Variants in DNAH10 observed in about 807,000 individuals in gnomAD.
DNAH10 encodes the protein axonemal beta dynein heavy chain 10.
In DNAH10, 348 loss-of-function variants were observed where a neutral mutation model predicts 506.6. The ratio of observed to expected loss-of-function variants is 0.69; its 90% CI spans 0.63 to 0.75. The LOEUF (loss-of-function observed/expected upper bound fraction) is 0.75, where lower values mean the gene tolerates loss of function less well. DNAH10 is among the 30% of genes least tolerant of loss of function. The pLI, the probability that DNAH10 is intolerant of heterozygous loss-of-function variation, is 0.00. For synonymous variants in DNAH10, 2,059 were observed against 2,198.6 expected (o/e 0.94, Z 1.78); for missense variants, 5,179 against 5,787.1 (o/e 0.89, Z 3.41).
intron 52 of DNAH10, among the ~76,000 whole-genome samples, chr12:123,892,508 T>C (rs1356311642): frequency 6.6e-6 from 1 of 152,146 alleles, no homozygotes; most frequent in Non-Finnish European, 1.5e-5. Flanking sequence ...TGAGATTTGG[T>C]GCGGACGCAG....
chr12:123,925,142 T>C lies in DNAH10; in HGVS notation c.11859T>C (p.Cys3953=), dbSNP rs777829274. 3.1e-6 allele frequency: 5 copies of C among 1,613,936 alleles called. No individual in the cohort carries two copies. Among genetic ancestry groups the C allele is most frequent in the Non-Finnish European group, 4.2e-6 (5 of 1,179,912 alleles). ...TPFQKLLILR[C]FRVDRVYRAV... ...TCCAGAAGTTGCTTATTTTGCGCTG[T>C]TTCCGTGTGGATCGGGTCTATCGGG... The change falls in exon 68 of 79, where the codon TGT becomes TGC. Residue 3953 remains cysteine, a synonymous_variant. Transcript: ENST00000673944. The surrounding 1 kb of genome is among the most constrained non-coding windows in gnomAD (Gnocchi z 4.0).
chr12:123,822,319 T>C (rs1328105489), intron 24 of DNAH10, among the ~76,000 whole-genome samples: 1 of 152,222 alleles, frequency 6.6e-6, no homozygotes, highest in African/African-American at 2.4e-5. Flanking sequence ...CTTAGTTCTT[T>C]ATAGCTCAGT....
chr12:123,894,311 C>G (rs1382390422), intron 53 of DNAH10, among the ~76,000 whole-genome samples: 2 of 151,740 alleles, frequency 1.3e-5, no homozygotes, highest in African/African-American at 4.8e-5. Context: ...GACTGGAGTG[C>G]AGTGGTGTGA....
chr12:123,875,617 A>G, intron 47 of DNAH10, 126 bp downstream of exon 47: 5 of 1,169,324 alleles, frequency 4.3e-6, no homozygotes, highest in Non-Finnish European at 6.0e-6. Flanking sequence ...GGGCCTATGA[A>G]AATGTTTTAA....
intron 21 of DNAH10, among the ~76,000 whole-genome samples, chr12:123,815,266 C>G (rs1292237519): frequency 6.6e-6 from 1 of 151,926 alleles, no homozygotes; most frequent in Non-Finnish European, 1.5e-5. Flanking sequence ...CAGATTTATT[C>G]CTAGGTACTT....
intron 37 of DNAH10, 21 bp downstream of exon 37, chr12:123,857,268 T>C (rs1269296023): frequency 6.6e-7 from 1 of 1,521,374 alleles, no homozygotes. Flanking sequence ...GAAAATGACC[T>C]CACTGTGGCC....
At chr12:123,837,284 C>T (rs1961259832) in intron 28 of DNAH10, among the ~76,000 whole-genome samples, 1 of 149,536 alleles carries the variant, frequency 6.7e-6, no homozygotes, top group African/African-American at 2.5e-5. Context: ...GTGAAGGTTG[C>T]AGTGAACTGA....
intron 13 of DNAH10, among the ~76,000 whole-genome samples, chr12:123,797,210 C>T (rs781078588): frequency 6.6e-5 from 10 of 152,070 alleles, no homozygotes; most frequent in Non-Finnish European, 1.0e-4. Context: ...CTGCCCTCCC[C>T]GATCCCATCC....
intron 32 of DNAH10, among the ~76,000 whole-genome samples, chr12:123,847,218 T>TTTATCTATCTATC (rs370500982): frequency 7.0e-6 from 1 of 142,724 alleles, no homozygotes; most frequent in Admixed American, 7.1e-5. Flanking sequence ...ATCCATCCTA[T>TTTATCTATCTATC]TATCTATCTA....
chr12:123,933,230 T>C, intron 76 of DNAH10, 101 bp from the exon 77 acceptor site: 1 of 1,178,732 alleles, frequency 8.5e-7, no homozygotes. Flanking sequence ...GCCACTTAGG[T>C]GAAATATGTC....
rs572265702 is a variant in DNAH10 at position 123,787,694 on chromosome 12, G to C, written c.1422-110G>C. 77 of 1,349,722 alleles carry C rather than the reference G, an allele frequency of 5.7e-5. No homozygotes were observed. Among genetic ancestry groups the C allele is most frequent in the Admixed American group, 1.8e-4 (8 of 43,558 alleles). 83.6% of individuals were successfully genotyped at this position (1,349,722 alleles called of 1,614,324 possible). On this transcript the variant is annotated intron_variant, in intron 9 of 78. Coordinates refer to ENST00000673944, the MANE Select transcript of DNAH10 (RefSeq NM_001372106.1). The surrounding 1 kb of genome is among the most constrained non-coding windows in gnomAD (Gnocchi z 4.6). Reference sequence around the variant, plus strand: ...TTTTCCGATGAGGCCGTGAAACCAGGGGGGGCGCCCGGGTCAGAGCTTCAC... The same window carrying C: ...TTTTCCGATGAGGCCGTGAAACCAGCGGGGGCGCCCGGGTCAGAGCTTCAC...
intron 52 of DNAH10, among the ~76,000 whole-genome samples, chr12:123,889,100 C>T (rs1048960835): frequency 3.9e-5 from 6 of 152,206 alleles, no homozygotes; most frequent in African/African-American, 1.4e-4. Flanking sequence ...CTAGATCCCT[C>T]CTTTCTCGCC....
chr12:123,855,234 G>A (rs932726533), intron 36 of DNAH10, among the ~76,000 whole-genome samples: 1 of 152,156 alleles, frequency 6.6e-6, no homozygotes, highest in African/African-American at 2.4e-5. Context: ...GATAGTGAAC[G>A]CTGAGTAGAG....
In DNAH10 at chr12:123,784,174, C is replaced by G. The variant is rs150908267; in HGVS notation, c.1227C>G (p.Phe409Leu). 309 of 1,613,698 alleles carry G rather than the reference C, an allele frequency of 1.9e-4. 3 individuals carry two copies. The highest frequency in any genetic ancestry group is 6.2e-4 in the Admixed American group (37 of 60,006). Residue 409 changes from phenylalanine to leucine, a missense_variant, in exon 8 of 79, where the codon TTC becomes TTG. Coordinates refer to ENST00000673944, the MANE Select transcript of DNAH10 (RefSeq NM_001372106.1). ...VRFLSTVERYFKNITHGSGFH... is the reference protein window; with the variant it reads ...VRFLSTVERYLKNITHGSGFH... ...TTCTCTCCACCGTGGAGCGTTATTT[C>G]AAGGTATGCTGGGTGTGCTGCACTT...
chr12:123,793,600 A>G (rs1301917933), intron 11 of DNAH10, among the ~76,000 whole-genome samples: 1 of 152,146 alleles, frequency 6.6e-6, no homozygotes, highest in East Asian at 1.9e-4. Context: ...GGCCTCCCAA[A>G]GTACTGGGAT....
At chr12:123,851,226 C>G in intron 35 of DNAH10, 150 bp downstream of exon 35, 2 of 827,220 alleles carry the variant, frequency 2.4e-6, no homozygotes, top group Non-Finnish European at 3.5e-6. Flanking sequence ...CAGATGGGAC[C>G]TAGGATGTGT....
At chr12:123,826,954 A>G (rs1960060366) in intron 25 of DNAH10, 56 bp downstream of exon 25, 1 of 1,499,234 alleles carries the variant, frequency 6.7e-7, no homozygotes, top group African/African-American at 1.4e-5. Flanking sequence ...TTTTAGTTAA[A>G]ATTGTTTCCC....
intron 70 of DNAH10, chr12:123,929,018 A>C: frequency 1.8e-6 from 1 of 555,488 alleles, no homozygotes; most frequent in East Asian, 3.0e-5. Flanking sequence ...GGAAGACTTT[A>C]CTTTCATTTT....
Position 123,801,299 on chromosome 12 carries a change from G to A in DNAH10, c.2481G>A (p.Gln827=), listed in dbSNP as rs1297329628. ...DKFLRYTAGI[Q]RMLDHYHMLI... ...TGTGCAGGTACACAGCTGGGATACAGCGCATGTTGGATCATTATCACATGC... is the reference window on the plus strand; with the variant it reads ...TGTGCAGGTACACAGCTGGGATACAACGCATGTTGGATCATTATCACATGC... The change falls in exon 16 of 79, where the codon CAG becomes CAA. Residue 827 remains glutamine, a synonymous_variant. Coordinates refer to ENST00000673944, the MANE Select transcript of DNAH10 (RefSeq NM_001372106.1). 4.3e-6 allele frequency: 7 copies of A among 1,613,988 alleles called. No homozygotes were observed. Among genetic ancestry groups the A allele is most frequent in the Non-Finnish European group, 5.9e-6 (7 of 1,180,002 alleles).
Sources: allele counts gnomAD v4.1 joint callset (sites outside exome capture counted in the v4.1 genomes callset), GRCh38; gene constraint gnomAD v4.1.1; non-coding constraint Gnocchi (gnomAD v3.1); transcripts MANE v1.5; gene names NCBI Gene and HGNC (gene_info 2026-07-23, HGNC 2026-07-21).